The following C1orf198 variants were observed in gnomAD, a reference collection of about 807,000 sequenced individuals.
C1orf198 encodes chromosome 1 open reading frame 198.
A neutral mutation model predicts 31.4 loss-of-function variants in C1orf198; 17 were observed. The ratio of observed to expected loss-of-function variants is 0.54; its 90% CI spans 0.37 to 0.81. C1orf198 has a LOEUF of 0.81. Among genes scored for constraint, C1orf198 ranks in the 40% least tolerant of loss-of-function variants. The pLI is 0.00. For missense variants in C1orf198, 401 were observed against 450.3 expected, an observed-to-expected ratio of 0.89 and a Z score of 0.99; for synonymous variants, 175 against 193.8, an observed-to-expected ratio of 0.90 and a Z score of 0.81.
intron 1 of C1orf198, among the ~76,000 whole-genome samples, chr1:230,866,564 C>A (rs1391196755): frequency 6.6e-6 from 1 of 152,192 alleles, no homozygotes; most frequent in Non-Finnish European, 1.5e-5. Flanking sequence ...TAATACTGGG[C>A]TCTTCTATGA....
At position 230,857,621 on chromosome 1, in the gene C1orf198, G is replaced by A. The variant is rs992559525; in HGVS notation, c.334-1903C>T. ...GTGGCACAAATACTTCACATATGCT[G>A]GGGATAAAGAGCAAGGAAAACCCAG... On this transcript the variant is annotated intron_variant, in intron 1 of 3. Transcript: ENST00000366663. The surrounding 1 kb of genome is among the most constrained non-coding windows in gnomAD (Gnocchi z 4.2). 1.3e-5 allele frequency among the ~76,000 whole-genome samples: 2 copies of A among 152,166 alleles called. No individual in the cohort carries two copies. The highest frequency in any genetic ancestry group is 2.9e-5 in the Non-Finnish European group (2 of 68,028).
In C1orf198 at chr1:230,839,947, C is replaced by CT. The variant is rs111322053; in HGVS notation, c.928-40dup. On this transcript the variant is annotated intron_variant, in intron 3 of 3. Coordinates refer to ENST00000366663, the MANE Select transcript of C1orf198 (RefSeq NM_032800.3). ...AAAAACATGGAAGTAAGACGAGCCT[C>CT]TTTTTTTCAGTTACGTATAATCTAA... The CT allele has an allele frequency of 3.6e-4, 563 of 1,554,680 alleles. No individual in the cohort carries two copies. In the African/African-American group the frequency reaches 6.8e-3, roughly 19 times the overall value.
At chr1:230,853,065 A>G (rs190717498) in intron 2 of C1orf198, among the ~76,000 whole-genome samples, 10 of 152,266 alleles carry the variant, frequency 6.6e-5, no homozygotes, top group African/African-American at 2.4e-4. Flanking sequence ...CACCAACCAG[A>G]CACGTGAGCA....
chr1:230,850,498 C>A (rs1184214030), intron 2 of C1orf198, among the ~76,000 whole-genome samples: 1 of 152,146 alleles, frequency 6.6e-6, no homozygotes, highest in Non-Finnish European at 1.5e-5. Context: ...CACTGAGGTC[C>A]AAGAGAACAT....
At chr1:230,854,687 C>T (rs1241641543) in intron 2 of C1orf198, among the ~76,000 whole-genome samples, 2 of 152,170 alleles carry the variant, frequency 1.3e-5, no homozygotes, top group South Asian at 2.1e-4. Flanking sequence ...AGAACAGTGT[C>T]AGCTGTCCTT....
intron 2 of C1orf198, 53 bp downstream of exon 2, chr1:230,855,615 A>G: frequency 6.3e-7 from 1 of 1,574,916 alleles, no homozygotes. Flanking sequence ...AAAATATACA[A>G]CTACTCAGTT....
At chr1:230,862,041 T>C (rs1439250731) in intron 1 of C1orf198, among the ~76,000 whole-genome samples, 1 of 152,176 alleles carries the variant, frequency 6.6e-6, no homozygotes, top group Non-Finnish European at 1.5e-5. Context: ...GAAAGTCCCA[T>C]AGGTTGCAGA....
At chr1:230,858,538 T>C (rs2102989170) in intron 1 of C1orf198, among the ~76,000 whole-genome samples, 1 of 152,086 alleles carries the variant, frequency 6.6e-6, no homozygotes, top group East Asian at 1.9e-4. Flanking sequence ...CAGGGTAGAG[T>C]AGAGATCCAG....
chr1:230,858,866 T>G (rs918864312), intron 1 of C1orf198, among the ~76,000 whole-genome samples: 3 of 152,240 alleles, frequency 2.0e-5, no homozygotes, highest in African/African-American at 7.2e-5. Flanking sequence ...AGCCCAGAGC[T>G]TGGGGACAGT....
intron 2 of C1orf198, among the ~76,000 whole-genome samples, chr1:230,848,066 G>A (rs1030071940): frequency 2.6e-5 from 4 of 152,158 alleles, no homozygotes; most frequent in Admixed American, 6.5e-5. Flanking sequence ...ACTTAGCTGG[G>A]TGTGACCTCC....
Position 230,859,846 on chromosome 1 carries a change from CAT to C in C1orf198, c.334-4130_334-4129del, listed in dbSNP as rs539298906. Among the ~76,000 whole-genome samples the C allele has an allele frequency of 1.1e-3, 175 of 152,276 alleles. 1 individual carries two copies. The highest frequency in any genetic ancestry group is 3.9e-3 in the African/African-American group (162 of 41,568). On this transcript the variant is annotated intron_variant, in intron 1 of 3. Transcript: ENST00000366663. Reference sequence around the variant, plus strand: ...AATGAAACAGAATTAAAAATAATAACATATATTTTTTGCTCATAGTGCTGGAA... The same window carrying C: ...AATGAAACAGAATTAAAAATAATAACATATTTTTTGCTCATAGTGCTGGAA...
intron 3 of C1orf198, among the ~76,000 whole-genome samples, chr1:230,841,325 C>T (rs1485874678): frequency 1.3e-5 from 2 of 152,176 alleles, no homozygotes; most frequent in East Asian, 1.9e-4. Flanking sequence ...GTACTAGCAC[C>T]GCTGGATCCT....
At chr1:230,858,966 T>A (rs1413007015) in intron 1 of C1orf198, among the ~76,000 whole-genome samples, 5 of 152,052 alleles carry the variant, frequency 3.3e-5, no homozygotes, top group Non-Finnish European at 7.4e-5. Context: ...CTCCCCTACT[T>A]AGTGTCGAGT....
At position 230,838,566 on chromosome 1, in the gene C1orf198, C is replaced by T. The variant is rs1669362292; in HGVS notation, c.*1286G>A. The T allele has an allele frequency of 6.6e-6, 1 of 152,236 alleles. No homozygotes were observed. Among genetic ancestry groups the T allele is most frequent in the African/African-American group, 2.4e-5 (1 of 41,298 alleles). 9.4% of individuals were successfully genotyped at this position (152,236 alleles called of 1,614,324 possible). On this transcript the variant is annotated 3_prime_UTR_variant, in exon 4 of 4. Coordinates refer to ENST00000366663, the MANE Select transcript of C1orf198 (RefSeq NM_032800.3). This position sits in a 1 kb window ranked among gnomAD's most constrained non-coding sequence, Gnocchi z 4.2. ...CACTTTGGTATTGAAACCGAGCGCT[C>T]ACTGGCAGGTGTCGCAAAGATTAAG...
At position 230,843,873 on chromosome 1, in the gene C1orf198, G is replaced by A. The variant is rs763326339; in HGVS notation, c.408C>T (p.Ser136=). Residue 136 remains serine, a synonymous_variant, in exon 3 of 4, where the codon TCC becomes TCT. Transcript: ENST00000366663. The surrounding 1 kb of genome is among the most constrained non-coding windows in gnomAD (Gnocchi z 4.9). The part of the protein sequence containing the change: ...ETKSQMEFSI[S]ALSIQEPSNG... ...TGCTCGGCTCCTGGATGGATAGGGC[G>A]GAGATACTGAACTCCATCTGACTCT... 24 of 1,518,426 alleles carry A rather than the reference G, an allele frequency of 1.6e-5. No homozygotes were observed. The highest frequency in any genetic ancestry group is 4.5e-5 in the East Asian group (2 of 44,126). 94.1% of individuals were successfully genotyped at this position (1,518,426 alleles called of 1,614,324 possible). A position where few individuals can be genotyped will look rare whatever the true frequency, so the allele number is the denominator to read the frequency against.
rs1161184274 is a variant in C1orf198 at position 230,868,269 on chromosome 1, G to C, written c.244C>G (p.Pro82Ala). The C allele has an allele frequency of 6.3e-7, 1 of 1,581,920 alleles. No individual in the cohort carries two copies. Among genetic ancestry groups the C allele is most frequent in the Non-Finnish European group, 8.6e-7 (1 of 1,166,254 alleles). The change falls in exon 1 of 4, where the codon CCC (proline) becomes GCC (alanine). Residue 82 changes from proline to alanine, a missense_variant. By Grantham distance (27) the Pro-to-Ala change is conservative. Coordinates refer to ENST00000366663, the MANE Select transcript of C1orf198 (RefSeq NM_032800.3). ...RCLVGPRAPA[P>A]RDPGDSEELT... The stretch of plus-strand genomic sequence containing the variant: ...TCCTCCGAGTCCCCGGGGTCTCGGG[G>C]CGCCGGGGCGCGCGGCCCCACCAGG...
chr1:230,843,828 C>T lies in C1orf198; in HGVS notation c.453G>A (p.Glu151=). 6.4e-7 allele frequency: 1 copy of T among 1,563,712 alleles called. No homozygotes were observed. The highest frequency in any genetic ancestry group is 1.4e-5 in the African/African-American group (1 of 73,158). Residue 151 remains glutamate, a synonymous_variant, in exon 3 of 4, where the codon GAG becomes GAA. Transcript: ENST00000366663. This position sits in a 1 kb window ranked among gnomAD's most constrained non-coding sequence, Gnocchi z 4.9. The part of the protein sequence containing the change: ...QEPSNGTAAS[E]PRPLSKASQG... The stretch of plus-strand genomic sequence containing the variant: ...GGGAAGCTTTGGACAGTGGTCTGGG[C>T]TCGCTGGCGGCGGTGCCGTTGCTCG...
chr1:230,859,233 C>T (rs774107718), intron 1 of C1orf198, among the ~76,000 whole-genome samples: 4 of 152,136 alleles, frequency 2.6e-5, no homozygotes, highest in African/African-American at 4.8e-5. Context: ...CCCACTCACA[C>T]GCATACAATG....
At chr1:230,862,485 A>G (rs547242273) in intron 1 of C1orf198, among the ~76,000 whole-genome samples, 18 of 152,236 alleles carry the variant, frequency 1.2e-4, no homozygotes, top group Non-Finnish European at 1.9e-4. Flanking sequence ...CAGTTATTGG[A>G]TAAGTAAACT....
Sources: gnomAD v4.1 joint callset for allele counts (sites outside exome capture counted in the v4.1 genomes callset) on GRCh38, gnomAD v4.1.1 for gene constraint, Gnocchi (gnomAD v3.1) non-coding constraint, MANE v1.5 for transcripts, NCBI Gene and HGNC (gene_info 2026-07-23, HGNC 2026-07-21) for gene names.